CNTLN: variants seen among roughly 807,000 people sequenced by gnomAD.
CNTLN encodes centlein, centrosomal protein.
CNTLN carries 212 observed loss-of-function variants against 180.0 expected under a neutral mutation model. The observed-to-expected ratio is 1.18, with a 90% CI of 1.05 to 1.32. The LOEUF is 1.32. Ranked by LOEUF, CNTLN falls within the 40% of genes most tolerant of loss-of-function variation. The probability of loss-of-function intolerance (pLI) is 0.00; values close to 1 mark genes in which losing one functional copy is unlikely to be tolerated. For missense variants in CNTLN, 2,095 were observed against 1,610.9 expected (o/e 1.30, Z -5.14); for synonymous variants, 722 against 563.1 (o/e 1.28, Z -3.99).
chr9:17,332,924 G>A (rs1820740795), intron 10 of CNTLN, among the ~76,000 whole-genome samples, 194 bp downstream of exon 10: 1 of 151,954 alleles, frequency 6.6e-6, no homozygotes, highest in African/African-American at 2.4e-5. Flanking sequence ...TTTGCTACTT[G>A]AAAAGTAAAT....
intron 13 of CNTLN, 24 bp from the exon 14 acceptor site, chr9:17,388,138 A>AGGTCCC: frequency 6.8e-7 from 1 of 1,475,900 alleles, no homozygotes; most frequent in Non-Finnish European, 9.4e-7. Flanking sequence ...GTGGTATCAT[A>AGGTCCC]ATATATTATT....
chr9:17,291,182 G>C (rs1161081896), intron 6 of CNTLN, among the ~76,000 whole-genome samples: 2 of 152,124 alleles, frequency 1.3e-5, no homozygotes, highest in East Asian at 1.9e-4. Context: ...TATGATTTCA[G>C]TTCTTTTGTA....
intron 2 of CNTLN, among the ~76,000 whole-genome samples, chr9:17,170,478 A>G (rs745347039): frequency 6.6e-6 from 1 of 151,970 alleles, no homozygotes; most frequent in Non-Finnish European, 1.5e-5. Flanking sequence ...TAAGTACTGT[A>G]GTCTTTCTTT....
chr9:17,140,599 G>A (rs974268655), intron 1 of CNTLN, among the ~76,000 whole-genome samples: 1 of 152,020 alleles, frequency 6.6e-6, no homozygotes, highest in African/African-American at 2.4e-5. Context: ...TTCCACTATG[G>A]CTAGCTAATT....
intron 3 of CNTLN, 121 bp from the exon 4 acceptor site, chr9:17,235,537 G>A: frequency 1.3e-6 from 1 of 772,634 alleles, no homozygotes; most frequent in East Asian, 3.0e-5. Flanking sequence ...TGTGGTGACA[G>A]ACATTATTAT....
At chr9:17,217,973 T>G (rs2132026945) in intron 2 of CNTLN, among the ~76,000 whole-genome samples, 1 of 152,286 alleles carries the variant, frequency 6.6e-6, no homozygotes, top group African/African-American at 2.4e-5. Flanking sequence ...AGATGTGTTC[T>G]TTTGAATTGT....
intron 1 of CNTLN, among the ~76,000 whole-genome samples, chr9:17,138,614 T>C (rs1817879015): frequency 6.6e-6 from 1 of 152,226 alleles, no homozygotes; most frequent in Non-Finnish European, 1.5e-5. Flanking sequence ...CGAGTCTTTT[T>C]GTGAAATTAT....
chr9:17,423,255 T>C (rs1215030740), intron 18 of CNTLN, among the ~76,000 whole-genome samples: 2 of 152,170 alleles, frequency 1.3e-5, no homozygotes, highest in Non-Finnish European at 2.9e-5. Context: ...GTCCAAGGGC[T>C]CTTTAGTCAG....
intron 8 of CNTLN, among the ~76,000 whole-genome samples, chr9:17,319,304 C>T (rs893968943): frequency 3.9e-5 from 6 of 152,150 alleles, no homozygotes; most frequent in African/African-American, 1.2e-4. Flanking sequence ...TAATTCAGTA[C>T]GTCTGGGCTG....
intron 7 of CNTLN, among the ~76,000 whole-genome samples, chr9:17,307,765 A>G (rs904101207): frequency 3.3e-5 from 5 of 152,096 alleles, no homozygotes; most frequent in African/African-American, 4.8e-5. Flanking sequence ...AATGTACACA[A>G]ATCCTAGGTT....
intron 13 of CNTLN, among the ~76,000 whole-genome samples, chr9:17,383,724 G>T (rs1825449039): frequency 6.6e-6 from 1 of 151,460 alleles, no homozygotes; most frequent in Non-Finnish European, 1.5e-5. Context: ...TGCAAGCTCT[G>T]CCTCCTGGGT....
intron 12 of CNTLN, among the ~76,000 whole-genome samples, chr9:17,354,025 C>T (rs981580203): frequency 1.3e-5 from 2 of 152,204 alleles, no homozygotes; most frequent in Admixed American, 6.5e-5. Context: ...GCCCCGCACT[C>T]GGAGCAGCCG....
chr9:17,396,856 C>CA (rs1192784504), intron 15 of CNTLN, among the ~76,000 whole-genome samples: 1 of 152,162 alleles, frequency 6.6e-6, no homozygotes, highest in Non-Finnish European at 1.5e-5. Flanking sequence ...TAAAGAAACT[C>CA]AAAAAACATA....
At chr9:17,150,051 C>T (rs1563823287) in intron 2 of CNTLN, among the ~76,000 whole-genome samples, 1 of 152,036 alleles carries the variant, frequency 6.6e-6, no homozygotes, top group South Asian at 2.1e-4. Flanking sequence ...TGGATATTAG[C>T]CCTCTGTCAG....
At chr9:17,378,191 C>T (rs1452731485) in intron 13 of CNTLN, among the ~76,000 whole-genome samples, 1 of 151,786 alleles carries the variant, frequency 6.6e-6, no homozygotes, top group African/African-American at 2.4e-5. Flanking sequence ...TTCTTTTGTT[C>T]TTTTTTTGAG....
At chr9:17,140,946 A>G (rs781566439) in intron 1 of CNTLN, among the ~76,000 whole-genome samples, 2 of 152,252 alleles carry the variant, frequency 1.3e-5, no homozygotes, top group Non-Finnish European at 2.9e-5. Flanking sequence ...ATAAGCCATA[A>G]TTGAAAAGAT....
At chr9:17,401,348 G>A (rs928033460) in intron 15 of CNTLN, among the ~76,000 whole-genome samples, 8 of 151,914 alleles carry the variant, frequency 5.3e-5, no homozygotes, top group African/African-American at 1.7e-4. Flanking sequence ...AATATAGTAC[G>A]GTACATTAAA....
intron 23 of CNTLN, among the ~76,000 whole-genome samples, chr9:17,478,698 T>A (rs1375286491): frequency 6.6e-6 from 1 of 152,120 alleles, no homozygotes; most frequent in Non-Finnish European, 1.5e-5. Context: ...TAATTTCAAT[T>A]TTTTTGCCTT....
intron 6 of CNTLN, among the ~76,000 whole-genome samples, chr9:17,295,692 G>T (rs749998730): frequency 2.6e-5 from 4 of 152,076 alleles, no homozygotes; most frequent in Non-Finnish European, 4.4e-5. Flanking sequence ...GACAAATTCA[G>T]TGCTTTCCGC....
Sources: gnomAD v4.1 joint callset for allele counts (sites outside exome capture counted in the v4.1 genomes callset) on GRCh38, gnomAD v4.1.1 for gene constraint, MANE v1.5 for transcripts, NCBI Gene and HGNC (gene_info 2026-07-23, HGNC 2026-07-21) for gene names.